FBXL17: variants seen among roughly 807,000 people sequenced by gnomAD.
FBXL17 encodes F-box/LRR-repeat protein 17.
FBXL17 carries 22 observed loss-of-function variants against 66.2 expected under a neutral mutation model. The ratio of observed to expected loss-of-function variants is 0.33; its 90% confidence interval spans 0.24 to 0.47. FBXL17 has a LOEUF of 0.47. FBXL17 is among the 20% of genes least tolerant of loss of function. The pLI is 1.00. For synonymous variants in FBXL17, 474 were observed against 400.5 expected (o/e 1.18, Z -2.19); for missense variants, 878 against 948.2 (o/e 0.93, Z 0.97).
At chr5:107,876,528 G>A in intron 8 of FBXL17, among the ~76,000 whole-genome samples, 1 of 152,110 alleles carries the variant, frequency 6.6e-6, no homozygotes. Flanking sequence ...CACTGCAGAG[G>A]TTTCCACCAC....
chr5:108,088,797 T>C (rs190388251), intron 6 of FBXL17, among the ~76,000 whole-genome samples: 1 of 148,050 alleles, frequency 6.8e-6, no homozygotes, highest in African/African-American at 2.5e-5. Context: ...TAGCAATCTC[T>C]GGTGTTCTCA....
In FBXL17 at chr5:107,909,357, C is replaced by A. The variant is rs148041385; in HGVS notation, c.1823-28178G>T. The stretch of plus-strand genomic sequence containing the variant: ...TACTGTATGTGAACAGTGTTTATTG[C>A]TCAGTGGCTACACATAACTTGCATA... On this transcript the variant is annotated intron_variant, in intron 7 of 8. Coordinates refer to ENST00000542267, the MANE Select transcript of FBXL17 (RefSeq NM_001163315.3). Among the ~76,000 whole-genome samples, 900 of 152,266 alleles carry A rather than the reference C, an allele frequency of 5.9e-3. 4 individuals carry two copies. The highest frequency in any genetic ancestry group is 8.0e-3 in the Non-Finnish European group (542 of 68,014).
chr5:107,860,847 A>G lies in FBXL17; in HGVS notation c.*873T>C. On this transcript the variant is annotated 3_prime_UTR_variant, in exon 9 of 9. Coordinates refer to ENST00000542267, the MANE Select transcript of FBXL17 (RefSeq NM_001163315.3). ...AATGAAATGATCTGTAGTTTTTAAA[A>G]TAACTGCACACCATTAATTACATTG... is the stretch of plus-strand genomic sequence containing the variant. The G allele has an allele frequency of 6.6e-6, 1 of 152,280 alleles. No individual in the cohort carries two copies. The highest frequency in any genetic ancestry group is 1.9e-4 in the East Asian group (1 of 5,202). 9.4% of individuals were successfully genotyped at this position (152,280 alleles called of 1,614,324 possible).
At chr5:108,015,853 G>T (rs1754364680) in intron 7 of FBXL17, among the ~76,000 whole-genome samples, 1 of 152,078 alleles carries the variant, frequency 6.6e-6, no homozygotes, top group Admixed American at 6.5e-5. Flanking sequence ...GTGAGGTGTG[G>T]GTTACACCAA....
At chr5:108,116,746 GCA>G (rs201604184) in intron 6 of FBXL17, among the ~76,000 whole-genome samples, 21,747 of 108,058 alleles carry the variant, frequency 0.2, 1,613 homozygotes, top group East Asian at 0.39. Flanking sequence ...GAAATTATGT[GCA>G]CATAATTTCT....
At chr5:108,313,277 T>C (rs957267282) in intron 4 of FBXL17, among the ~76,000 whole-genome samples, 1 of 152,106 alleles carries the variant, frequency 6.6e-6, no homozygotes, top group African/African-American at 2.4e-5. Flanking sequence ...GGAAGAAGCC[T>C]ATCTACCACT....
chr5:107,865,638 T>C (rs1182914196), intron 8 of FBXL17, among the ~76,000 whole-genome samples: 1 of 152,190 alleles, frequency 6.6e-6, no homozygotes, highest in Non-Finnish European at 1.5e-5. Context: ...ATATAATGTA[T>C]CTTCTAAGCA....
chr5:107,951,332 G>A (rs1439364855), intron 7 of FBXL17, among the ~76,000 whole-genome samples: 1 of 152,206 alleles, frequency 6.6e-6, no homozygotes, highest in Non-Finnish European at 1.5e-5. Context: ...TAGTAATTTA[G>A]TGTCACAACA....
At chr5:108,171,350 G>A (rs545554102) in intron 6 of FBXL17, among the ~76,000 whole-genome samples, 1 of 152,066 alleles carries the variant, frequency 6.6e-6, no homozygotes, top group African/African-American at 2.4e-5. Context: ...GGATATTGTG[G>A]GGGCTTTGAG....
chr5:107,963,560 G>A (rs1752001374), intron 7 of FBXL17, among the ~76,000 whole-genome samples: 1 of 152,058 alleles, frequency 6.6e-6, no homozygotes, highest in Non-Finnish European at 1.5e-5. Context: ...CTGTGCTAGT[G>A]AACTTTTCTA....
chr5:107,935,337 AAAACAAATG>A (rs1750864855), intron 7 of FBXL17, among the ~76,000 whole-genome samples: 1 of 152,048 alleles, frequency 6.6e-6, no homozygotes, highest in Non-Finnish European at 1.5e-5. Context: ...CACACCAAAG[AAAACAAATG>A]AAACAATGCT....
chr5:107,949,183 T>TAAAAAAAAAAAAAA (rs11380062), intron 7 of FBXL17, among the ~76,000 whole-genome samples: 1 of 142,110 alleles, frequency 7.0e-6, no homozygotes. Flanking sequence ...ATGCACTTCA[T>TAAAAAAAAAAAAAA]AAAAAAAAAA....
intron 7 of FBXL17, among the ~76,000 whole-genome samples, chr5:107,953,559 C>T (rs928180517): frequency 1.3e-5 from 2 of 152,080 alleles, no homozygotes; most frequent in Non-Finnish European, 1.5e-5. Flanking sequence ...CCCTTTCTAG[C>T]TTTGGTATCT....
intron 6 of FBXL17, among the ~76,000 whole-genome samples, chr5:108,165,645 G>A (rs538258464): frequency 1.3e-5 from 2 of 152,290 alleles, no homozygotes; most frequent in East Asian, 1.9e-4. Context: ...CATGAATCTG[G>A]ACAGGTCACA....
chr5:107,969,999 A>T (rs1752306706), intron 7 of FBXL17, among the ~76,000 whole-genome samples: 1 of 152,206 alleles, frequency 6.6e-6, no homozygotes, highest in Non-Finnish European at 1.5e-5. Flanking sequence ...TAGAAATCTA[A>T]TTAACCCAAG....
chr5:108,320,682 C>G (rs1420763054), intron 4 of FBXL17, among the ~76,000 whole-genome samples: 5 of 151,746 alleles, frequency 3.3e-5, no homozygotes, highest in Non-Finnish European at 7.4e-5. Flanking sequence ...AATTAGATAT[C>G]AGTTACTAAA....
chr5:108,224,374 A>AT (rs2150076536), intron 4 of FBXL17, 146 bp from the exon 5 acceptor site: 1 of 462,002 alleles, frequency 2.2e-6, no homozygotes, highest in East Asian at 3.5e-5. Context: ...CAAACATGCT[A>AT]TAATATTCCT....
intron 7 of FBXL17, among the ~76,000 whole-genome samples, chr5:107,981,119 A>C (rs534120257): frequency 6.6e-6 from 1 of 152,278 alleles, no homozygotes; most frequent in East Asian, 1.9e-4. Context: ...CATCTGAGAC[A>C]CAGGCAACGT....
At position 108,380,910 on chromosome 5, in the gene FBXL17, G is replaced by T; in HGVS notation, c.782C>A (p.Pro261Gln). ...ACCTTCGGAGGTGGGAGAAGAGGGCGGAGGGCAGAGCGGCTGCGGGGGCTG... is the reference window on the plus strand; with the variant it reads ...ACCTTCGGAGGTGGGAGAAGAGGGCTGAGGGCAGAGCGGCTGCGGGGGCTG... ...PEQPPQPLCP[P>Q]PSSPTSEGAP... The change falls in exon 1 of 9, where the codon CCG (proline) becomes CAG (glutamine). Residue 261 changes from proline to glutamine, a missense_variant. By Grantham distance (76) the Pro-to-Gln change is moderately conservative. This residue lies in a region of FBXL17 where 605 missense variants were observed against 509.5 expected (regional missense o/e 1.19). Coordinates refer to ENST00000542267, the MANE Select transcript of FBXL17 (RefSeq NM_001163315.3). 1 of 1,229,284 alleles carries T rather than the reference G, an allele frequency of 8.1e-7. No homozygotes were observed. 76.1% of individuals were successfully genotyped at this position (1,229,284 alleles called of 1,614,324 possible).
Sources: allele counts gnomAD v4.1 joint callset (sites outside exome capture counted in the v4.1 genomes callset), GRCh38; gene constraint gnomAD v4.1.1; regional missense constraint gnomAD v4.1.1; transcripts MANE v1.5; gene names NCBI Gene and HGNC (gene_info 2026-07-23, HGNC 2026-07-21).